The following ILRUN variants were observed in gnomAD, a reference collection of about 807,000 sequenced individuals.
ILRUN encodes inflammation and lipid regulator with UBA-like and NBR1-like domains, also known as protein ILRUN.
Under a neutral mutation model 33.8 loss-of-function variants are expected in ILRUN, and 3 were observed. The observed-to-expected ratio is 0.09, with a 90% CI of 0.04 to 0.23. The LOEUF (loss-of-function observed/expected upper bound fraction) is 0.23. Ranked by LOEUF, ILRUN falls within the 10% of genes least tolerant of loss-of-function variation. ILRUN has a pLI of 1.00. For synonymous variants in ILRUN, 124 were observed against 138.9 expected, an observed-to-expected ratio of 0.89 and a Z score of 0.75; for missense variants, 210 against 375.1, an observed-to-expected ratio of 0.56 and a Z score of 3.64.
At chr6:34,693,812 C>A (rs1219673805) in intron 1 of ILRUN, among the ~76,000 whole-genome samples, 1 of 151,640 alleles carries the variant, frequency 6.6e-6, no homozygotes, top group Non-Finnish European at 1.5e-5. Flanking sequence ...GTTTTATAAT[C>A]CAACTATATT....
chr6:34,605,431 C>CA (rs1761608986), intron 4 of ILRUN, among the ~76,000 whole-genome samples: 1 of 151,612 alleles, frequency 6.6e-6, no homozygotes, highest in African/African-American at 2.4e-5. Flanking sequence ...AGTTCGAGAC[C>CA]AGCCCAGCCA....
At chr6:34,623,426 C>T (rs1166160591) in intron 3 of ILRUN, among the ~76,000 whole-genome samples, 7 of 152,018 alleles carry the variant, frequency 4.6e-5, no homozygotes, top group Non-Finnish European at 1.0e-4. Flanking sequence ...TTGAGAGTTC[C>T]ACTAATCAGA....
At chr6:34,611,586 T>G (rs187199094) in intron 3 of ILRUN, among the ~76,000 whole-genome samples, 35 of 152,266 alleles carry the variant, frequency 2.3e-4, no homozygotes, top group African/African-American at 8.4e-4. Context: ...AAAGAAAAGG[T>G]AAAGATGGCC....
rs73745012 is a variant in ILRUN at position 34,646,510 on chromosome 6, T to A, written c.511+91A>T. Reference sequence around the variant, plus strand: ...GTTAAAAAGAGGCCATGCCCTGTTATGCAATTTGACAGGCTCTGTGAGCAA... The same window carrying A: ...GTTAAAAAGAGGCCATGCCCTGTTAAGCAATTTGACAGGCTCTGTGAGCAA... On this transcript the variant is annotated intron_variant, in intron 3 of 4. Coordinates refer to ENST00000374023, the MANE Select transcript of ILRUN (RefSeq NM_024294.4). This position sits in a 1 kb window ranked among gnomAD's most constrained non-coding sequence, Gnocchi z 4.9. 1.6e-6 allele frequency: 2 copies of A among 1,260,528 alleles called. No individual in the cohort carries two copies. The highest frequency in any genetic ancestry group is 2.2e-6 in the Non-Finnish European group (2 of 892,460). 78.1% of individuals were successfully genotyped at this position (1,260,528 alleles called of 1,614,324 possible). A position where few individuals can be genotyped will look rare whatever the true frequency, so the allele number is the denominator to read the frequency against.
chr6:34,650,783 G>A lies in ILRUN; in HGVS notation c.313+3842C>T, dbSNP rs141543201. On this transcript the variant is annotated intron_variant, in intron 2 of 4. Transcript: ENST00000374023. ...AATTTAATTTTAAACAGTGCGCAACGTTCGCCTTCTTCGGGAAAGCTATTG... is the reference window on the plus strand; with the variant it reads ...AATTTAATTTTAAACAGTGCGCAACATTCGCCTTCTTCGGGAAAGCTATTG... Among the ~76,000 whole-genome samples the A allele has an allele frequency of 2.3e-3, 352 of 152,132 alleles. 2 individuals are homozygous for A. Among genetic ancestry groups the A allele is most frequent in the Middle Eastern group, 0.017 (5 of 294 alleles).
intron 1 of ILRUN, among the ~76,000 whole-genome samples, chr6:34,693,333 A>G (rs921952446): frequency 3.3e-5 from 5 of 152,170 alleles, no homozygotes; most frequent in Admixed American, 3.3e-4. Flanking sequence ...CTGACTTCCA[A>G]CTTCTCAATT....
At chr6:34,594,053 T>A (rs539046130) in intron 4 of ILRUN, among the ~76,000 whole-genome samples, 1 of 152,124 alleles carries the variant, frequency 6.6e-6, no homozygotes, top group Admixed American at 6.5e-5. Context: ...CCAACGACAA[T>A]CCCAGCCTAA....
chr6:34,629,304 T>C (rs1762199582), intron 3 of ILRUN, among the ~76,000 whole-genome samples: 1 of 152,192 alleles, frequency 6.6e-6, no homozygotes, highest in Non-Finnish European at 1.5e-5. Flanking sequence ...AAGGAATTAT[T>C]CCATGATATC....
intron 3 of ILRUN, among the ~76,000 whole-genome samples, chr6:34,612,440 G>A (rs1363127504): frequency 6.6e-6 from 1 of 151,820 alleles, no homozygotes. Flanking sequence ...AAAATAAAAA[G>A]CACCGGAGAC....
rs528655356 is a variant in ILRUN, at chr6:34,652,010, T to G, written c.313+2615A>C. Among the ~76,000 whole-genome samples the G allele has an allele frequency of 3.9e-5, 6 of 152,208 alleles. No homozygotes were observed. In the East Asian group the frequency reaches 1.2e-3, roughly 29 times the overall value. ...TTTTGCCATGTTGGCCAGGCTAGTCTTGAACTCTTGACCTCAAGTGATCTG... is the reference window on the plus strand; with the variant it reads ...TTTTGCCATGTTGGCCAGGCTAGTCGTGAACTCTTGACCTCAAGTGATCTG... On this transcript the variant is annotated intron_variant, in intron 2 of 4. Coordinates refer to ENST00000374023, the MANE Select transcript of ILRUN (RefSeq NM_024294.4).
At chr6:34,684,497 A>G (rs751165644) in intron 1 of ILRUN, among the ~76,000 whole-genome samples, 1 of 152,196 alleles carries the variant, frequency 6.6e-6, no homozygotes, top group Non-Finnish European at 1.5e-5. Context: ...ACCCTTACAC[A>G]TTACTTCAAC....
chr6:34,696,740 C>A lies in ILRUN; in HGVS notation c.-137G>T. The A allele has an allele frequency of 1.3e-6, 1 of 793,864 alleles. No homozygotes were observed. The highest frequency in any genetic ancestry group is 1.7e-5 in the South Asian group (1 of 57,924). The allele number at this position is 793,864 out of a possible 1,614,324, so 49.2% of individuals were successfully genotyped here. A position where few individuals can be genotyped will look rare whatever the true frequency, so the allele number is the denominator to read the frequency against. On this transcript the variant is annotated 5_prime_UTR_variant, in exon 1 of 5. An upstream open reading frame in the 5' UTR loses its in-frame stop. Transcript: ENST00000374023. Reference sequence around the variant, plus strand: ...CCTTTGAGGTAGGCCCCGGGCCTCTCACAGTCTCATAGGGGTAAACTCACT... The same window carrying A: ...CCTTTGAGGTAGGCCCCGGGCCTCTAACAGTCTCATAGGGGTAAACTCACT...
chr6:34,622,572 A>G (rs1762033023), intron 3 of ILRUN, among the ~76,000 whole-genome samples: 1 of 152,180 alleles, frequency 6.6e-6, no homozygotes, highest in Non-Finnish European at 1.5e-5. Context: ...CCCTTGGTGA[A>G]AGCTTTTGCT....
At chr6:34,639,608 T>C (rs1360519193) in intron 3 of ILRUN, among the ~76,000 whole-genome samples, 1 of 152,056 alleles carries the variant, frequency 6.6e-6, no homozygotes, top group Non-Finnish European at 1.5e-5. Flanking sequence ...TACCTAAGAA[T>C]AGCCCTGTCA....
intron 1 of ILRUN, among the ~76,000 whole-genome samples, chr6:34,674,599 C>G (rs981886013): frequency 3.9e-5 from 6 of 152,184 alleles, no homozygotes; most frequent in Non-Finnish European, 7.3e-5. Flanking sequence ...AACAGATTGC[C>G]TCTGGGGAGT....
intron 1 of ILRUN, among the ~76,000 whole-genome samples, chr6:34,671,162 T>C (rs1481246819): frequency 6.6e-6 from 1 of 152,114 alleles, no homozygotes; most frequent in Non-Finnish European, 1.5e-5. Flanking sequence ...ATCCCACCAC[T>C]TTGGGAGGCT....
chr6:34,658,615 T>G (rs969469316), intron 1 of ILRUN, among the ~76,000 whole-genome samples: 8 of 151,660 alleles, frequency 5.3e-5, no homozygotes, highest in Non-Finnish European at 7.4e-5. Context: ...GAGACCAGCC[T>G]GGCCAACATG....
At chr6:34,614,055 C>T (rs550078717) in intron 3 of ILRUN, among the ~76,000 whole-genome samples, 63 of 152,250 alleles carry the variant, frequency 4.1e-4, no homozygotes, top group African/African-American at 1.5e-3. Flanking sequence ...CTTCCACTGG[C>T]CAAAGCTGGA....
intron 3 of ILRUN, among the ~76,000 whole-genome samples, chr6:34,632,641 G>A (rs761134695): frequency 4.9e-5 from 7 of 142,378 alleles, no homozygotes; most frequent in Non-Finnish European, 1.0e-4. Context: ...TCAGCCTCCC[G>A]AGTAGCTGGG....
Sources: allele counts gnomAD v4.1 joint callset (sites outside exome capture counted in the v4.1 genomes callset), GRCh38; gene constraint gnomAD v4.1.1; non-coding constraint Gnocchi (gnomAD v3.1); transcripts MANE v1.5; gene names NCBI Gene and HGNC (gene_info 2026-07-23, HGNC 2026-07-21).